LRMDA: variants seen among roughly 807,000 people sequenced by gnomAD.
LRMDA encodes the protein leucine rich melanocyte differentiation associated.
A neutral mutation model predicts 29.8 loss-of-function variants in LRMDA; 18 were observed. The observed-to-expected ratio is 0.60, with a 90% CI of 0.42 to 0.90. LRMDA has a LOEUF of 0.90. Ranked by LOEUF, LRMDA falls within the 40% of genes least tolerant of loss-of-function variation. The pLI is 0.00. For missense variants in LRMDA, 273 were observed against 273.9 expected (o/e 1.00, Z 0.02); for synonymous variants, 125 against 109.4 (o/e 1.14, Z -0.89).
At chr10:75,439,401 A>C (rs1222101653) in intron 2 of LRMDA, among the ~76,000 whole-genome samples, 2 of 152,196 alleles carry the variant, frequency 1.3e-5, no homozygotes, top group African/African-American at 4.8e-5. Flanking sequence ...GGGCCCAAGC[A>C]CTTTCCTGCT....
At chr10:76,554,038 T>C (rs1843525723) in intron 6 of LRMDA, among the ~76,000 whole-genome samples, 1 of 152,006 alleles carries the variant, frequency 6.6e-6, no homozygotes, top group Non-Finnish European at 1.5e-5. Flanking sequence ...TCCTGCAAAT[T>C]CCAAATTTAG....
In LRMDA at chr10:76,437,512, A is replaced by T. The variant is rs1307213898; in HGVS notation, c.601+113027A>T. 3 of 152,252 alleles carry T rather than the reference A, an allele frequency of 2.0e-5. No individual in the cohort carries two copies. The East Asian group carries it at 5.8e-4, about 29-fold the overall frequency. The allele number at this position is 152,252 out of a possible 1,614,324, so 9.4% of individuals were successfully genotyped here. A position where few individuals can be genotyped will look rare whatever the true frequency, so the allele number is the denominator to read the frequency against. On this transcript the variant is annotated intron_variant, in intron 6 of 6. Transcript: ENST00000611255. ...ACCTACTGTGCTCAAAGTTCTGGGC[A>T]GGCTTCTCTGGGTAAATCCTGAATT...
At chr10:75,618,484 T>A (rs1223916870) in intron 2 of LRMDA, among the ~76,000 whole-genome samples, 2 of 131,450 alleles carry the variant, frequency 1.5e-5, no homozygotes, top group Admixed American at 8.8e-5. Flanking sequence ...ATATATATAT[T>A]AACTATATAT....
At chr10:76,123,711 A>G (rs552356468) in intron 5 of LRMDA, among the ~76,000 whole-genome samples, 37 of 152,322 alleles carry the variant, frequency 2.4e-4, no homozygotes, top group African/African-American at 8.7e-4. Context: ...TCTTTCACTC[A>G]GAGGTGGATG....
chr10:76,419,495 A>G (rs1015123603), intron 6 of LRMDA, among the ~76,000 whole-genome samples: 1 of 151,986 alleles, frequency 6.6e-6, no homozygotes, highest in Non-Finnish European at 1.5e-5. Context: ...ACCTACTTCA[A>G]TTTTGACAAT....
intron 5 of LRMDA, among the ~76,000 whole-genome samples, chr10:76,214,889 A>G (rs1851701814): frequency 6.6e-6 from 1 of 152,206 alleles, no homozygotes; most frequent in African/African-American, 2.4e-5. Context: ...TTGGAGTTGA[A>G]TGAAGTGCTG....
chr10:75,944,421 C>T (rs1480554485), intron 2 of LRMDA, among the ~76,000 whole-genome samples: 1 of 151,936 alleles, frequency 6.6e-6, no homozygotes, highest in Non-Finnish European at 1.5e-5. Flanking sequence ...TAAGTTTCTT[C>T]TATCTGCGTG....
At chr10:75,865,961 C>A (rs1200571152) in intron 2 of LRMDA, among the ~76,000 whole-genome samples, 1 of 152,214 alleles carries the variant, frequency 6.6e-6, no homozygotes, top group East Asian at 1.9e-4. Flanking sequence ...TGTTTTTGGA[C>A]TTTTAAATTT....
intron 2 of LRMDA, among the ~76,000 whole-genome samples, chr10:75,801,923 T>G (rs1010793903): frequency 9.2e-5 from 14 of 152,318 alleles, no homozygotes; most frequent in South Asian, 4.1e-4. Flanking sequence ...GAGCTTCGTA[T>G]GTGCTGTGTA....
intron 6 of LRMDA, among the ~76,000 whole-genome samples, chr10:76,456,017 T>A (rs1842453337): frequency 6.6e-6 from 1 of 152,116 alleles, no homozygotes; most frequent in Non-Finnish European, 1.5e-5. Context: ...GTATTTCTCC[T>A]CTTCCTCCTT....
chr10:76,022,674 C>A (rs531194136), intron 2 of LRMDA, among the ~76,000 whole-genome samples: 100 of 152,286 alleles, frequency 6.6e-4, no homozygotes, highest in Non-Finnish European at 1.1e-3. Context: ...GCTAGGAAAG[C>A]CTTCCCCACC....
At chr10:75,965,373 A>G (rs1289262720) in intron 2 of LRMDA, among the ~76,000 whole-genome samples, 1 of 152,240 alleles carries the variant, frequency 6.6e-6, no homozygotes, top group East Asian at 1.9e-4. Context: ...TAAGACAAGT[A>G]AAGAGTTTGG....
intron 5 of LRMDA, among the ~76,000 whole-genome samples, chr10:76,225,680 G>C (rs1480520209): frequency 7.4e-6 from 1 of 134,804 alleles, no homozygotes; most frequent in Non-Finnish European, 1.5e-5. Flanking sequence ...AGAAATATCT[G>C]AGACTGGGTA....
At chr10:75,541,079 A>C (rs1840009805) in intron 2 of LRMDA, among the ~76,000 whole-genome samples, 1 of 152,140 alleles carries the variant, frequency 6.6e-6, no homozygotes, top group African/African-American at 2.4e-5. Flanking sequence ...AGGAATGAGA[A>C]CTCTTGCAGG....
intron 2 of LRMDA, among the ~76,000 whole-genome samples, chr10:75,529,531 G>T (rs1845452126): frequency 6.6e-6 from 1 of 152,194 alleles, no homozygotes; most frequent in Non-Finnish European, 1.5e-5. Flanking sequence ...CCAGGGTCAT[G>T]GGCGAGGGAG....
Position 76,251,081 on chromosome 10 carries a change from A to G in LRMDA, c.517-73320A>G, listed in dbSNP as rs140398201. Among the ~76,000 whole-genome samples, 982 of 152,246 alleles carry G rather than the reference A, an allele frequency of 6.5e-3. 4 individuals are homozygous for G. The highest frequency in any genetic ancestry group is 0.022 in the African/African-American group (917 of 41,556). ...GCTGAGAAAAACAGCCAAGGAAGAG[A>G]GAGTGGGGGAAGACAGGGACAATCC... On this transcript the variant is annotated intron_variant, in intron 5 of 6. Transcript: ENST00000611255.
intron 2 of LRMDA, among the ~76,000 whole-genome samples, chr10:75,523,411 C>T (rs780655515): frequency 2.0e-5 from 3 of 152,132 alleles, no homozygotes; most frequent in African/African-American, 4.8e-5. Context: ...ATAAAACAGG[C>T]GCCCAGTTCT....
chr10:76,238,321 T>A (rs1852199375), intron 5 of LRMDA, among the ~76,000 whole-genome samples: 1 of 152,112 alleles, frequency 6.6e-6, no homozygotes, highest in Non-Finnish European at 1.5e-5. Context: ...TATTTACTTA[T>A]TAGGAAACTG....
intron 2 of LRMDA, among the ~76,000 whole-genome samples, chr10:75,791,355 C>T (rs1843561594): frequency 6.6e-6 from 1 of 152,072 alleles, no homozygotes; most frequent in Admixed American, 6.6e-5. Flanking sequence ...CATAAAATTC[C>T]ATAAGCAGTA....
Sources: gnomAD v4.1 joint callset for allele counts (sites outside exome capture counted in the v4.1 genomes callset) on GRCh38, gnomAD v4.1.1 for gene constraint, MANE v1.5 for transcripts, NCBI Gene and HGNC (gene_info 2026-07-23, HGNC 2026-07-21) for gene names.